Variants in LDB2 observed in about 807,000 individuals in gnomAD.
LDB2 encodes LIM domain-binding protein 2.
In LDB2, 12 loss-of-function variants were observed where a neutral mutation model predicts 44.3. The ratio of observed to expected loss-of-function variants is 0.27; its 90% CI spans 0.17 to 0.44. The LOEUF is 0.44. LDB2 is among the 20% of genes least tolerant of loss of function. The pLI is 1.00. For missense variants in LDB2, 344 were observed against 473.5 expected, an observed-to-expected ratio of 0.73 and a Z score of 2.54; for synonymous variants, 164 against 174.8, an observed-to-expected ratio of 0.94 and a Z score of 0.49.
chr4:16,594,012 C>G (rs1413238612), intron 3 of LDB2, among the ~76,000 whole-genome samples: 2 of 152,030 alleles, frequency 1.3e-5, no homozygotes, highest in Non-Finnish European at 2.9e-5. Context: ...CTACAAAATA[C>G]ATTTTTATTT....
intron 1 of LDB2, among the ~76,000 whole-genome samples, chr4:16,892,058 A>G (rs1322166847): frequency 6.6e-6 from 1 of 152,230 alleles, no homozygotes; most frequent in Non-Finnish European, 1.5e-5. Context: ...GAGCCGACAT[A>G]CAAAAAGCAC....
At chr4:16,868,651 T>C (rs1402419809) in intron 1 of LDB2, among the ~76,000 whole-genome samples, 1 of 152,234 alleles carries the variant, frequency 6.6e-6, no homozygotes, top group African/African-American at 2.4e-5. Context: ...TTTCAAAGGA[T>C]GAAGACTGAA....
chr4:16,721,217 C>T (rs556424293), intron 2 of LDB2, among the ~76,000 whole-genome samples: 1 of 152,224 alleles, frequency 6.6e-6, no homozygotes, highest in South Asian at 2.1e-4. Flanking sequence ...TATAGCCTCC[C>T]ATGAGGGTAT....
intron 2 of LDB2, among the ~76,000 whole-genome samples, chr4:16,670,243 C>T (rs1744359745): frequency 6.6e-6 from 1 of 152,176 alleles, no homozygotes; most frequent in South Asian, 2.1e-4. Flanking sequence ...GGACAGTCTA[C>T]TGGTACAAGC....
chr4:16,759,399 G>A (rs975534667), intron 1 of LDB2, 139 bp from the exon 2 acceptor site: 14 of 623,170 alleles, frequency 2.2e-5, no homozygotes. Flanking sequence ...CTAGGAAAGG[G>A]TAGGTGGGCG....
At chr4:16,706,532 A>G (rs1204406413) in intron 2 of LDB2, among the ~76,000 whole-genome samples, 1 of 152,226 alleles carries the variant, frequency 6.6e-6, no homozygotes, top group Non-Finnish European at 1.5e-5. Context: ...GTATTTTGTG[A>G]TAGCAGCCCA....
chr4:16,690,162 G>C (rs1469311417), intron 2 of LDB2, among the ~76,000 whole-genome samples: 3 of 152,012 alleles, frequency 2.0e-5, no homozygotes, highest in Admixed American at 2.0e-4. Flanking sequence ...TTATCACAAG[G>C]GTGTGTGGTA....
At chr4:16,662,601 G>C (rs905281271) in intron 2 of LDB2, among the ~76,000 whole-genome samples, 1 of 152,106 alleles carries the variant, frequency 6.6e-6, no homozygotes. Context: ...TGTCATGGGA[G>C]GGACCCAGTG....
chr4:16,725,262 GCACACA>G (rs1423459413), intron 2 of LDB2, among the ~76,000 whole-genome samples: 5 of 150,590 alleles, frequency 3.3e-5, no homozygotes, highest in Non-Finnish European at 7.4e-5. Context: ...ACACACACAC[GCACACA>G]CACGCACATA....
At chr4:16,741,355 C>A (rs1021713339) in intron 2 of LDB2, 2 of 152,206 alleles carry the variant, frequency 1.3e-5, no homozygotes, top group African/African-American at 2.4e-5. Context: ...GAAAAGGCTG[C>A]GATTACTGTC....
chr4:16,722,283 AG>A (rs1486214580), intron 2 of LDB2, among the ~76,000 whole-genome samples: 1 of 152,138 alleles, frequency 6.6e-6, no homozygotes, highest in Non-Finnish European at 1.5e-5. Flanking sequence ...AGAGGACAAA[AG>A]TGAGGCACAG....
intron 5 of LDB2, among the ~76,000 whole-genome samples, chr4:16,512,462 AAAAC>A (rs764655203): frequency 1.1e-4 from 17 of 150,660 alleles, no homozygotes; most frequent in East Asian, 1.9e-4. Context: ...AAACAAAACA[AAAAC>A]AAACAAACAA....
intron 1 of LDB2, among the ~76,000 whole-genome samples, chr4:16,891,075 A>G (rs903948664): frequency 3.3e-5 from 5 of 152,018 alleles, no homozygotes; most frequent in African/African-American, 9.7e-5. Flanking sequence ...ATTTCCTAAC[A>G]TTTATTTTGG....
In LDB2 at chr4:16,759,195, G is replaced by T; in HGVS notation, c.198C>A (p.Thr66=). ...TEFFEDDATL[T]LSFCLEDGPK... Reference sequence around the variant, plus strand: ...GTCCATCTTCCAAACAAAATGAAAGGGTTAATGTGGCGTCATCTTCAAAAA... The same window carrying T: ...GTCCATCTTCCAAACAAAATGAAAGTGTTAATGTGGCGTCATCTTCAAAAA... The change falls in exon 2 of 8, where the codon ACC becomes ACA. Residue 66 remains threonine, a synonymous_variant. Transcript: ENST00000304523. 12 of 1,613,924 alleles carry T rather than the reference G, an allele frequency of 7.4e-6. No homozygotes were observed. The highest frequency in any genetic ancestry group is 9.3e-6 in the Non-Finnish European group (11 of 1,179,848).
At chr4:16,671,237 C>T (rs1322836400) in intron 2 of LDB2, among the ~76,000 whole-genome samples, 1 of 152,070 alleles carries the variant, frequency 6.6e-6, no homozygotes, top group East Asian at 1.9e-4. Context: ...ACCATGTGAG[C>T]ATCGTTCGTC....
At chr4:16,666,366 C>G (rs1053357106) in intron 2 of LDB2, among the ~76,000 whole-genome samples, 4 of 152,154 alleles carry the variant, frequency 2.6e-5, no homozygotes, top group African/African-American at 9.7e-5. Flanking sequence ...AAAAAAAAGG[C>G]TACGCTGAGA....
At chr4:16,737,642 C>G (rs575471225) in intron 2 of LDB2, among the ~76,000 whole-genome samples, 1 of 151,776 alleles carries the variant, frequency 6.6e-6, no homozygotes, top group Non-Finnish European at 1.5e-5. Flanking sequence ...AATTTTATGA[C>G]AAAAAGGTGG....
rs749480922 is a variant in LDB2, at chr4:16,502,760, G to A, written c.1005C>T (p.Asp335=). 15 of 1,613,954 alleles carry A rather than the reference G, an allele frequency of 9.3e-6. 1 individual carries two copies. Among genetic ancestry groups the A allele is most frequent in the East Asian group, 2.2e-5 (1 of 44,854 alleles). ...GTGAATTGTTGAAGTCCTCCTCGTC[G>A]TCCATGCCGTTGGCCGCATCATATT... The part of the protein sequence containing the change: ...NTQYDAANGM[D]DEEDFNNSPA... Residue 335 remains aspartate, a synonymous_variant, in exon 8 of 8, where the codon GAC becomes GAT. Coordinates refer to ENST00000304523, the MANE Select transcript of LDB2 (RefSeq NM_001290.5).
chr4:16,763,419 T>C (rs1459170245), intron 1 of LDB2, among the ~76,000 whole-genome samples: 1 of 125,612 alleles, frequency 8.0e-6, no homozygotes, highest in Non-Finnish European at 1.7e-5. Flanking sequence ...ATTTTCAATC[T>C]CCCCCCATAT....
Sources: allele counts gnomAD v4.1 joint callset (sites outside exome capture counted in the v4.1 genomes callset), GRCh38; gene constraint gnomAD v4.1.1; transcripts MANE v1.5; gene names NCBI Gene and HGNC (gene_info 2026-07-23, HGNC 2026-07-21).